Variants in ZNF664 observed in about 807,000 individuals in gnomAD.
ZNF664 encodes the protein zinc finger Organ of Corti 1.
A neutral mutation model predicts 18.2 loss-of-function variants in ZNF664; 10 were observed. The observed-to-expected ratio is 0.55, with a 90% CI of 0.34 to 0.93. The LOEUF (loss-of-function observed/expected upper bound fraction) is 0.93. Among genes scored for constraint, ZNF664 ranks in the 40% least tolerant of loss-of-function variants. The probability of loss-of-function intolerance (pLI) is 0.02; values close to 1 mark genes in which losing one functional copy is unlikely to be tolerated. For missense variants in ZNF664, 193 were observed against 319.0 expected, an observed-to-expected ratio of 0.61 and a Z score of 3.01; for synonymous variants, 119 against 104.2, an observed-to-expected ratio of 1.14 and a Z score of -0.86.
intron 3 of ZNF664, among the ~76,000 whole-genome samples, chr12:123,991,128 A>G (rs1956883936): frequency 6.6e-6 from 1 of 152,196 alleles, no homozygotes; most frequent in Non-Finnish European, 1.5e-5. Context: ...TTCTTAGTGC[A>G]TGTGTATGTT....
At chr12:124,000,874 T>C (rs895739914) in intron 3 of ZNF664, among the ~76,000 whole-genome samples, 1 of 152,162 alleles carries the variant, frequency 6.6e-6, no homozygotes, top group African/African-American at 2.4e-5. Context: ...TCCCTCCCCC[T>C]GTTTAAGTTA....
chr12:124,007,605 G>A (rs1207097493), intron 3 of ZNF664, among the ~76,000 whole-genome samples: 1 of 152,136 alleles, frequency 6.6e-6, no homozygotes, highest in South Asian at 2.1e-4. Flanking sequence ...GATTATATTC[G>A]TTTCAGTCAC....
intron 3 of ZNF664, among the ~76,000 whole-genome samples, chr12:123,991,551 AACAT>A (rs1179761221): frequency 6.6e-6 from 1 of 152,256 alleles, no homozygotes; most frequent in Non-Finnish European, 1.5e-5. Flanking sequence ...TAAGGAAACT[AACAT>A]TCATTTAGCC....
intron 3 of ZNF664, among the ~76,000 whole-genome samples, chr12:123,988,766 A>AT (rs11346525): frequency 5.3e-5 from 8 of 151,424 alleles, no homozygotes; most frequent in South Asian, 2.1e-4. Flanking sequence ...TTTTTTAAAG[A>AT]TTTTTTTTTC....
intron 3 of ZNF664, among the ~76,000 whole-genome samples, chr12:124,006,415 G>T (rs891433215): frequency 1.7e-4 from 26 of 152,194 alleles, no homozygotes; most frequent in African/African-American, 6.0e-4. Flanking sequence ...CAGCCTGTTA[G>T]TCCTGTACCC....
chr12:123,980,374 TA>T (rs1468492785), intron 2 of ZNF664, among the ~76,000 whole-genome samples: 9 of 152,122 alleles, frequency 5.9e-5, no homozygotes, highest in Non-Finnish European at 8.8e-5. Flanking sequence ...AAGGATGTGG[TA>T]AAAATGACAC....
rs1957155046 is a variant in ZNF664, at chr12:124,013,327, A to G, written c.*397A>G. On this transcript the variant is annotated 3_prime_UTR_variant, in exon 5 of 5. Coordinates refer to ENST00000337815, the MANE Select transcript of ZNF664 (RefSeq NM_152437.3). ...GAGCTCATGCCCTTCCTTCCTCTTT[A>G]TTCGAGCATACTGGCAATGCATTGG... 1 of 207,040 alleles carries G rather than the reference A, an allele frequency of 4.8e-6. No individual in the cohort carries two copies. The highest frequency in any genetic ancestry group is 5.3e-5 in the Admixed American group (1 of 18,914). The allele number at this position is 207,040 out of a possible 1,614,324, so 12.8% of individuals were successfully genotyped here. A position where few individuals can be genotyped will look rare whatever the true frequency, so the allele number is the denominator to read the frequency against.
chr12:123,977,966 A>C (rs969950958), intron 2 of ZNF664, among the ~76,000 whole-genome samples: 12 of 152,368 alleles, frequency 7.9e-5, no homozygotes, highest in African/African-American at 2.9e-4. Flanking sequence ...CTTTAGACTC[A>C]GATGTGTCTA....
intron 2 of ZNF664, among the ~76,000 whole-genome samples, chr12:123,974,723 C>G (rs1376126995): frequency 1.3e-5 from 2 of 152,198 alleles, no homozygotes; most frequent in African/African-American, 4.8e-5. Flanking sequence ...TCATTTTTGA[C>G]TGCTTTAACA....
chr12:124,008,730 G>A (rs990186665), intron 3 of ZNF664, among the ~76,000 whole-genome samples: 2 of 152,118 alleles, frequency 1.3e-5, no homozygotes, highest in African/African-American at 4.8e-5. Flanking sequence ...ATGAGCTCCT[G>A]GGGTTTGTAT....
intron 3 of ZNF664, among the ~76,000 whole-genome samples, chr12:124,007,785 C>CA (rs1957090253): frequency 1.3e-5 from 2 of 152,152 alleles, no homozygotes; most frequent in African/African-American, 4.8e-5. Flanking sequence ...TACCTAAATG[C>CA]AATGGTTACA....
intron 3 of ZNF664, chr12:123,989,500 C>CT (rs1259909581): frequency 6.6e-6 from 1 of 152,198 alleles, no homozygotes; most frequent in African/African-American, 2.4e-5. Context: ...CCCGTATGCG[C>CT]TTTGGTCCCA....
At position 124,012,641 on chromosome 12, in the gene ZNF664, C is replaced by G. The variant is rs1250419248; in HGVS notation, c.497C>G (p.Thr166Arg). The stretch of plus-strand genomic sequence containing the variant: ...CTCTGCATGCATCAAAGAGTCCACA[C>G]AGGAGAGAAACCCTATAAATGTTAT... ...SSLCMHQRVHTGEKPYKCYEC... is the reference protein window; with the variant it reads ...SSLCMHQRVHRGEKPYKCYEC... The change falls in exon 5 of 5, where the codon ACA (threonine) becomes AGA (arginine). Residue 166 changes from threonine to arginine, a missense_variant. Thr to Arg is a moderately conservative substitution (Grantham distance 71). Transcript: ENST00000337815. 6.2e-7 allele frequency: 1 copy of G among 1,614,182 alleles called. No individual in the cohort carries two copies. Among genetic ancestry groups the G allele is most frequent in the African/African-American group, 1.3e-5 (1 of 75,040 alleles).
chr12:123,991,521 A>G (rs1376598287), intron 3 of ZNF664, among the ~76,000 whole-genome samples: 1 of 152,266 alleles, frequency 6.6e-6, no homozygotes, highest in Non-Finnish European at 1.5e-5. Flanking sequence ...TGTGTCATGC[A>G]CTAATTAAAA....
chr12:123,978,908 A>G (rs990482690), intron 2 of ZNF664, among the ~76,000 whole-genome samples: 2 of 152,202 alleles, frequency 1.3e-5, no homozygotes, highest in African/African-American at 2.4e-5. Flanking sequence ...CAGTTGGGAA[A>G]TTATAATTCA....
rs1956819332 is a variant in ZNF664, at chr12:123,985,936, T to C, written c.-756-2107T>C. ...ATAGACATTTAACATTTATTAACTT[T>C]AATTTTGCAATTTTCTTTTCATGTT... is the stretch of plus-strand genomic sequence containing the variant. On this transcript the variant is annotated intron_variant, in intron 2 of 4. Transcript: ENST00000337815. 2.6e-5 allele frequency among the ~76,000 whole-genome samples: 4 copies of C among 152,284 alleles called. No individual in the cohort carries two copies. In the South Asian group the frequency reaches 8.3e-4, roughly 31 times the overall value.
intron 3 of ZNF664, among the ~76,000 whole-genome samples, chr12:123,991,607 A>C (rs545050238): frequency 6.6e-6 from 1 of 152,338 alleles, no homozygotes; most frequent in South Asian, 2.1e-4. Context: ...TTTCATGTTT[A>C]TTATCTTTAA....
At chr12:123,985,585 A>G (rs530365874) in intron 2 of ZNF664, among the ~76,000 whole-genome samples, 1 of 152,250 alleles carries the variant, frequency 6.6e-6, no homozygotes, top group Admixed American at 6.5e-5. Context: ...TCGTTAAGAA[A>G]AGATAACAGA....
Position 123,973,314 on chromosome 12 carries a change from GGC to G in ZNF664, c.-927_-926del. 2 of 984,170 alleles carry G rather than the reference GGC, an allele frequency of 2.0e-6. No individual in the cohort carries two copies. The highest frequency in any genetic ancestry group is 4.7e-5 in the South Asian group (1 of 21,272). The allele number at this position is 984,170 out of a possible 1,614,324, so 61.0% of individuals were successfully genotyped here. ...CCTGAGGAGAGGGAGGTGGGTGCGCGGCGCCCGCGGCCTGGGGCGCTGACTCC... is the reference window on the plus strand; with the variant it reads ...CCTGAGGAGAGGGAGGTGGGTGCGCGGCCCGCGGCCTGGGGCGCTGACTCC... On this transcript the variant is annotated 5_prime_UTR_variant, in exon 1 of 5. Transcript: ENST00000337815.
Sources: gnomAD v4.1 joint callset for allele counts (sites outside exome capture counted in the v4.1 genomes callset) on GRCh38, gnomAD v4.1.1 for gene constraint, MANE v1.5 for transcripts, NCBI Gene and HGNC (gene_info 2026-07-23, HGNC 2026-07-21) for gene names.